The following RBFOX1 variants were observed in gnomAD, a reference collection of about 807,000 sequenced individuals.
The protein encoded by RBFOX1 is RNA binding protein fox-1 homolog 1.
In RBFOX1, 8 loss-of-function variants were observed where a neutral mutation model predicts 57.7. The ratio of observed to expected loss-of-function variants is 0.14; its 90% confidence interval spans 0.08 to 0.25. The LOEUF (loss-of-function observed/expected upper bound fraction) is 0.25. RBFOX1 is among the 10% of genes least tolerant of loss of function. The pLI, the probability that RBFOX1 is intolerant of heterozygous loss-of-function variation, is 1.00. For synonymous variants in RBFOX1, 326 were observed against 222.4 expected, an observed-to-expected ratio of 1.47 and a Z score of -4.15; for missense variants, 611 against 548.5, an observed-to-expected ratio of 1.11 and a Z score of -1.14.
intron 4 of RBFOX1, among the ~76,000 whole-genome samples, chr16:7,090,441 C>A (rs953221205): frequency 6.6e-6 from 1 of 151,960 alleles, no homozygotes; most frequent in Non-Finnish European, 1.5e-5. Flanking sequence ...AAGGATGGTC[C>A]TGTGTATTTG....
At chr16:6,350,789 A>G (rs1386336330) in intron 2 of RBFOX1, among the ~76,000 whole-genome samples, 1 of 152,206 alleles carries the variant, frequency 6.6e-6, no homozygotes, top group African/African-American at 2.4e-5. Flanking sequence ...GTTCAACAAA[A>G]ACTTAAAGAG....
chr16:6,254,427 G>A (rs1452055601), intron 1 of RBFOX1, among the ~76,000 whole-genome samples: 2 of 152,188 alleles, frequency 1.3e-5, no homozygotes, highest in South Asian at 2.1e-4. Context: ...AAAAGCTGAT[G>A]TGAAATTAAA....
At chr16:6,726,663 G>C (rs1351937667) in intron 3 of RBFOX1, among the ~76,000 whole-genome samples, 1 of 152,124 alleles carries the variant, frequency 6.6e-6, no homozygotes, top group Non-Finnish European at 1.5e-5. Flanking sequence ...CAGAGAACTA[G>C]CTTGCTGATC....
At chr16:6,690,758 C>CTTTTTT (rs71145276) in intron 3 of RBFOX1, among the ~76,000 whole-genome samples, 9 of 141,066 alleles carry the variant, frequency 6.4e-5, no homozygotes, top group Non-Finnish European at 1.1e-4. Context: ...TTCTTTCTTT[C>CTTTTTT]TTTTTTTTTT....
chr16:6,722,488 A>T (rs528996339), intron 3 of RBFOX1, among the ~76,000 whole-genome samples: 33 of 147,182 alleles, frequency 2.2e-4, no homozygotes, highest in African/African-American at 8.8e-4. Flanking sequence ...TATTCCATTG[A>T]TGGAATATTT....
intron 2 of RBFOX1, among the ~76,000 whole-genome samples, chr16:6,424,731 C>G (rs1158148107): frequency 6.6e-6 from 1 of 151,982 alleles, no homozygotes; most frequent in Non-Finnish European, 1.5e-5. Flanking sequence ...CAATGTTCAA[C>G]TATAGGGATG....
intron 3 of RBFOX1, chr16:6,775,676 A>G (rs1415410280): frequency 1.3e-5 from 2 of 152,130 alleles, no homozygotes; most frequent in South Asian, 4.1e-4. Flanking sequence ...TCGGTCAAAC[A>G]TCCCTTGTCT....
chr16:5,602,982 G>A (rs2047416112), downstream of RBFOX1, among the ~76,000 whole-genome samples: 1 of 152,190 alleles, frequency 6.6e-6, no homozygotes, highest in East Asian at 1.9e-4. Flanking sequence ...GAGTGAAAAT[G>A]GGGTTTACAA....
intron 1 of RBFOX1, among the ~76,000 whole-genome samples, chr16:6,213,990 A>C (rs565519303): frequency 3.9e-5 from 6 of 152,288 alleles, no homozygotes; most frequent in Admixed American, 1.3e-4. Context: ...GATATTGACA[A>C]ATGTCCCCTG....
chr16:6,655,806 G>A (rs901622749), intron 3 of RBFOX1, among the ~76,000 whole-genome samples: 1 of 152,132 alleles, frequency 6.6e-6, no homozygotes, highest in African/African-American at 2.4e-5. Flanking sequence ...TGTCAAATGG[G>A]TTATTATTTC....
Position 5,319,642 on chromosome 16 carries a change from G to C in RBFOX1, c.219+79537G>C, listed in dbSNP as rs551301855. Among the ~76,000 whole-genome samples the C allele has an allele frequency of 6.6e-5, 10 of 152,322 alleles. No homozygotes were observed. The East Asian group carries it at 1.9e-3, about 29-fold the overall frequency. On this transcript the variant is annotated intron_variant, in intron 1 of 2. Transcript: ENST00000585867. ...TGGTGGGGAAAGACTGACCGTTTCA[G>C]TGTCATATATTAAGTTCAAAGACAG...
chr16:6,265,884 C>A lies in RBFOX1; in HGVS notation c.-126-51111C>A, dbSNP rs7194655. On this transcript the variant is annotated intron_variant, in intron 1 of 15. Coordinates refer to ENST00000550418, the MANE Select transcript of RBFOX1 (RefSeq NM_018723.4). ...TCCTCACTTCTTGTACATTTGAAAA[C>A]CCTGTCTTCCTAGAAGAGTCATACC... 1.7e-3 allele frequency among the ~76,000 whole-genome samples: 251 copies of A among 151,912 alleles called. 2 individuals are homozygous for A. Among genetic ancestry groups the A allele is most frequent in the African/African-American group, 5.8e-3 (239 of 41,424 alleles).
intron 3 of RBFOX1, among the ~76,000 whole-genome samples, chr16:7,015,236 T>C (rs1023248249): frequency 2.0e-5 from 3 of 152,152 alleles, no homozygotes; most frequent in Middle Eastern, 3.2e-3. Context: ...AGTATCATTA[T>C]AGGCGCTGAG....
In RBFOX1 at chr16:5,944,160, C is replaced by T. The variant is rs1025906813; in HGVS notation, c.351+76825C>T. 4.6e-5 allele frequency among the ~76,000 whole-genome samples: 7 copies of T among 152,136 alleles called. No homozygotes were observed. The South Asian group carries it at 6.2e-4, about 14-fold the overall frequency. ...TTCATATCCTAATGTACAAGATGGC[C>T]ATTGATCTAATGACCTCAACGATGT... is the stretch of plus-strand genomic sequence containing the variant. On this transcript the variant is annotated intron_variant, in intron 4 of 19. Transcript: ENST00000641259.
At chr16:5,618,053 A>T (rs977354795) in intron 3 of RBFOX1, among the ~76,000 whole-genome samples, 1 of 152,202 alleles carries the variant, frequency 6.6e-6, no homozygotes, top group South Asian at 2.1e-4. Context: ...AGTACACAAC[A>T]TTATGAATTT....
At chr16:6,476,483 G>A (rs2095273695) in intron 2 of RBFOX1, among the ~76,000 whole-genome samples, 1 of 152,150 alleles carries the variant, frequency 6.6e-6, no homozygotes, top group Non-Finnish European at 1.5e-5. Context: ...GTACCATACT[G>A]TAGTCTATTA....
intron 5 of RBFOX1, among the ~76,000 whole-genome samples, chr16:7,522,504 G>T (rs2077728326): frequency 6.6e-6 from 1 of 152,196 alleles, no homozygotes; most frequent in African/African-American, 2.4e-5. Flanking sequence ...GGAGAGAGAT[G>T]CAGAAGGGAC....
At position 6,179,322 on chromosome 16, in the gene RBFOX1, G is replaced by T. The variant is rs537023123; in HGVS notation, c.-126-137673G>T. ...GGTAGCTTTACTTTCTAGAAGGCTG[G>T]ATCTCAGTTCTCTCTCCCATATCAC... On this transcript the variant is annotated intron_variant, in intron 1 of 15. Transcript: ENST00000550418. Among the ~76,000 whole-genome samples the T allele has an allele frequency of 3.9e-5, 6 of 152,280 alleles. No individual in the cohort carries two copies. In the South Asian group the frequency reaches 1.2e-3, roughly 32 times the overall value.
chr16:6,947,398 C>T (rs954544296), intron 3 of RBFOX1, among the ~76,000 whole-genome samples: 13 of 152,140 alleles, frequency 8.5e-5, no homozygotes, highest in Non-Finnish European at 1.3e-4. Flanking sequence ...CCCTGGTTTC[C>T]TAAGAGAAGG....
Sources: gnomAD v4.1 joint callset for allele counts (sites outside exome capture counted in the v4.1 genomes callset) on GRCh38, gnomAD v4.1.1 for gene constraint, MANE v1.5 for transcripts, NCBI Gene and HGNC (gene_info 2026-07-23, HGNC 2026-07-21) for gene names.